Variants in SEMA3A observed in about 807,000 individuals in gnomAD.
The protein encoded by SEMA3A is semaphorin-3A.
SEMA3A carries 29 observed loss-of-function variants against 97.9 expected under a neutral mutation model. The ratio of observed to expected loss-of-function variants is 0.30; its 90% CI spans 0.22 to 0.40. The LOEUF (loss-of-function observed/expected upper bound fraction) is 0.40, where lower values mean the gene tolerates loss of function less well. Ranked by LOEUF, SEMA3A falls within the 10% of genes least tolerant of loss-of-function variation. SEMA3A has a pLI of 1.00. For missense variants in SEMA3A, 763 were observed against 951.3 expected (o/e 0.80, Z 2.60); for synonymous variants, 321 against 323.7 (o/e 0.99, Z 0.09).
chr7:84,412,507 C>T (rs564744259), intron 1 of SEMA3A, among the ~76,000 whole-genome samples: 1 of 152,102 alleles, frequency 6.6e-6, no homozygotes, highest in East Asian at 1.9e-4. Flanking sequence ...GTCAAAAATC[C>T]CCCTAAAGCT....
chr7:84,020,999 T>C (rs1488590359), intron 6 of SEMA3A, among the ~76,000 whole-genome samples: 1 of 152,204 alleles, frequency 6.6e-6, no homozygotes, highest in Non-Finnish European at 1.5e-5. Flanking sequence ...GTACTGACAT[T>C]ACTCTGTCAG....
chr7:84,346,397 T>C (rs1378892695), intron 2 of SEMA3A, among the ~76,000 whole-genome samples: 1 of 152,230 alleles, frequency 6.6e-6, no homozygotes, highest in Non-Finnish European at 1.5e-5. Flanking sequence ...GTGAACTGCT[T>C]GGTGCAAGAG....
rs143312463 is a variant in SEMA3A at position 84,288,319 on chromosome 7, C to T, written c.-83+18888G>A. 1.1e-3 allele frequency among the ~76,000 whole-genome samples: 161 copies of T among 152,210 alleles called. 1 individual carries two copies. The highest frequency in any genetic ancestry group is 6.6e-3 in the South Asian group (32 of 4,824). ...AATGTTTAAACGAATTAAATTTATG[C>T]TACCCAATTACACAAATAAGTGACA... On this transcript the variant is annotated intron_variant, in intron 3 of 3. Transcript: ENST00000424555.
At chr7:84,017,317 C>A (rs1791144116) in intron 6 of SEMA3A, among the ~76,000 whole-genome samples, 1 of 152,152 alleles carries the variant, frequency 6.6e-6, no homozygotes, top group Admixed American at 6.5e-5. Flanking sequence ...CAAGTATATT[C>A]ATTGCTGAAA....
At chr7:84,405,853 GAACA>G (rs1804069064) in intron 1 of SEMA3A, among the ~76,000 whole-genome samples, 1 of 152,076 alleles carries the variant, frequency 6.6e-6, no homozygotes, top group Non-Finnish European at 1.5e-5. Context: ...AAACCAATGA[GAACA>G]AAGACACAAC....
Position 84,011,165 on chromosome 7 carries a change from T to C in SEMA3A, c.925+18A>G, listed in dbSNP as rs1262749310. 1 of 1,606,988 alleles carries C rather than the reference T, an allele frequency of 6.2e-7. No homozygotes were observed. The highest frequency in any genetic ancestry group is 2.2e-5 in the East Asian group (1 of 44,818). Reference sequence around the variant, plus strand: ...AGTCTGAACAAATATTCTCTATACATAAACACTAGCTTCTTACGCAGTTCA... The same window carrying C: ...AGTCTGAACAAATATTCTCTATACACAAACACTAGCTTCTTACGCAGTTCA... On this transcript the variant is annotated intron_variant, in intron 8 of 16. Transcript: ENST00000265362.
intron 6 of SEMA3A, among the ~76,000 whole-genome samples, chr7:84,033,140 A>C (rs554328922): frequency 6.6e-6 from 1 of 152,306 alleles, no homozygotes; most frequent in South Asian, 2.1e-4. Flanking sequence ...GGTTCCAGTT[A>C]AAGACAGTTA....
chr7:84,182,483 A>T (rs1797762565), intron 1 of SEMA3A, among the ~76,000 whole-genome samples: 1 of 152,146 alleles, frequency 6.6e-6, no homozygotes, highest in South Asian at 2.1e-4. Flanking sequence ...CATAAATTGG[A>T]ACTTACAGTC....
At chr7:84,291,473 T>A (rs558558292) in intron 3 of SEMA3A, among the ~76,000 whole-genome samples, 1 of 152,210 alleles carries the variant, frequency 6.6e-6, no homozygotes. Context: ...TCCTTTTCCT[T>A]CTGCATTGCC....
At chr7:84,396,492 A>T (rs558905639) in intron 1 of SEMA3A, among the ~76,000 whole-genome samples, 6 of 152,106 alleles carry the variant, frequency 3.9e-5, no homozygotes, top group African/African-American at 1.4e-4. Flanking sequence ...CTCAGCAGCA[A>T]CAACGGAAGA....
chr7:84,453,381 C>T lies in SEMA3A; in HGVS notation c.-246+39079G>A, dbSNP rs1304332973. Among the ~76,000 whole-genome samples, 3 of 151,606 alleles carry T rather than the reference C, an allele frequency of 2.0e-5. No homozygotes were observed. In the East Asian group the frequency reaches 5.8e-4, roughly 29 times the overall value. On this transcript the variant is annotated intron_variant, in intron 1 of 3. Coordinates refer to the SEMA3A transcript ENST00000424555. ...CCTCCCGAGTAGCTGGGACTACAGG[C>T]GCCCGCCACCTCGCCCGGCTAATTT... is the stretch of plus-strand genomic sequence containing the variant.
At chr7:84,126,047 T>A (rs1795783605) in intron 3 of SEMA3A, among the ~76,000 whole-genome samples, 1 of 152,194 alleles carries the variant, frequency 6.6e-6, no homozygotes, top group African/African-American at 2.4e-5. Context: ...TCATTAACAA[T>A]GTTTTCACTT....
intron 2 of SEMA3A, among the ~76,000 whole-genome samples, chr7:84,345,766 C>G (rs939815021): frequency 6.6e-6 from 1 of 152,168 alleles, no homozygotes; most frequent in African/African-American, 2.4e-5. Context: ...CCATGACTTG[C>G]TCCACGGAAG....
chr7:84,375,905 AC>A (rs1803085134), intron 1 of SEMA3A, among the ~76,000 whole-genome samples: 1 of 151,946 alleles, frequency 6.6e-6, no homozygotes, highest in Middle Eastern at 3.2e-3. Context: ...TATGAGATCA[AC>A]TTTTTAGCTA....
At chr7:84,032,849 G>T (rs1178317569) in intron 6 of SEMA3A, among the ~76,000 whole-genome samples, 1 of 151,436 alleles carries the variant, frequency 6.6e-6, no homozygotes, top group Non-Finnish European at 1.5e-5. Context: ...TTTTATATTG[G>T]GGAAGTGATA....
intron 4 of SEMA3A, among the ~76,000 whole-genome samples, chr7:84,102,903 A>G (rs1795000688): frequency 6.6e-6 from 1 of 151,792 alleles, no homozygotes; most frequent in Non-Finnish European, 1.5e-5. Flanking sequence ...CTTTTTAAAA[A>G]CACTTGTAAG....
chr7:84,220,714 T>C (rs1332553756), intron 3 of SEMA3A, among the ~76,000 whole-genome samples: 1 of 152,132 alleles, frequency 6.6e-6, no homozygotes, highest in Admixed American at 6.6e-5. Flanking sequence ...AGGAATCTTG[T>C]TTTCCTGAGC....
chr7:84,301,206 T>C (rs1801009522), intron 3 of SEMA3A, among the ~76,000 whole-genome samples: 1 of 151,884 alleles, frequency 6.6e-6, no homozygotes, highest in Non-Finnish European at 1.5e-5. Context: ...TAGTACTCAA[T>C]AGCACAAGTA....
At chr7:84,406,597 A>C (rs1484350057) in intron 1 of SEMA3A, among the ~76,000 whole-genome samples, 1 of 152,196 alleles carries the variant, frequency 6.6e-6, no homozygotes, top group Non-Finnish European at 1.5e-5. Context: ...ACACAACAAA[A>C]AAAAAGAGAA....
Sources: gnomAD v4.1 joint callset for allele counts (sites outside exome capture counted in the v4.1 genomes callset) on GRCh38, gnomAD v4.1.1 for gene constraint, MANE v1.5 for transcripts, NCBI Gene and HGNC (gene_info 2026-07-23, HGNC 2026-07-21) for gene names.